The following RNF180 variants were observed in gnomAD, a reference collection of about 807,000 sequenced individuals.
RNF180 encodes ring finger protein 180.
Under a neutral mutation model 59.2 loss-of-function variants are expected in RNF180, and 38 were observed. The observed-to-expected ratio is 0.64, with a 90% CI of 0.50 to 0.84. The LOEUF (loss-of-function observed/expected upper bound fraction) is 0.84, where lower values mean the gene tolerates loss of function less well. RNF180 is among the 40% of genes least tolerant of loss of function. The probability of loss-of-function intolerance (pLI) is 0.00; values close to 1 mark genes in which losing one functional copy is unlikely to be tolerated. For missense variants in RNF180, 705 were observed against 700.9 expected, an observed-to-expected ratio of 1.01 and a Z score of -0.07; for synonymous variants, 262 against 240.3, an observed-to-expected ratio of 1.09 and a Z score of -0.84.
chr5:64,165,409 G>A (rs1321842700), upstream of RNF180, among the ~76,000 whole-genome samples: 3 of 152,176 alleles, frequency 2.0e-5, no homozygotes, highest in Non-Finnish European at 2.9e-5. Context: ...GATATACGAA[G>A]GGAAAACTAA....
At chr5:64,353,832 A>C (rs1745913102) in intron 7 of RNF180, among the ~76,000 whole-genome samples, 1 of 151,812 alleles carries the variant, frequency 6.6e-6, no homozygotes, top group Admixed American at 6.6e-5. Flanking sequence ...TGAAAAATTC[A>C]CTAATACGTG....
intron 5 of RNF180, among the ~76,000 whole-genome samples, chr5:64,261,165 A>G (rs1009394990): frequency 2.0e-5 from 3 of 152,180 alleles, no homozygotes; most frequent in African/African-American, 4.8e-5. Flanking sequence ...ATCATTTGGC[A>G]TATCATATCT....
intron 5 of RNF180, among the ~76,000 whole-genome samples, chr5:64,316,154 A>T (rs1265119367): frequency 6.6e-6 from 1 of 152,202 alleles, no homozygotes; most frequent in East Asian, 1.9e-4. Context: ...TTCTGAACTT[A>T]TAGCCTCAGC....
At chr5:64,228,254 C>A (rs1471319783) in intron 5 of RNF180, among the ~76,000 whole-genome samples, 3 of 152,134 alleles carry the variant, frequency 2.0e-5, no homozygotes, top group Non-Finnish European at 4.4e-5. Context: ...GTGGCTCTTG[C>A]CTGAAATCCT....
At chr5:64,184,298 T>C (rs768125641) in intron 1 of RNF180, among the ~76,000 whole-genome samples, 1 of 152,212 alleles carries the variant, frequency 6.6e-6, no homozygotes, top group Non-Finnish European at 1.5e-5. Context: ...CGTTGTCCTG[T>C]TTTTAGTGAT....
At chr5:64,339,721 T>G (rs1745283891) in intron 7 of RNF180, among the ~76,000 whole-genome samples, 2 of 151,768 alleles carry the variant, frequency 1.3e-5, no homozygotes, top group South Asian at 4.2e-4. Flanking sequence ...CACACAAAAT[T>G]GCGAAGACAA....
chr5:64,170,092 G>A lies in RNF180; in HGVS notation c.-1+4139G>A, dbSNP rs78720991. Among the ~76,000 whole-genome samples, 489 of 152,326 alleles carry A rather than the reference G, an allele frequency of 3.2e-3. 1 individual carries two copies. Among genetic ancestry groups the A allele is most frequent in the African/African-American group, 0.012 (480 of 41,578 alleles). On this transcript the variant is annotated intron_variant, in intron 1 of 7. Transcript: ENST00000389100. The stretch of plus-strand genomic sequence containing the variant: ...TACCTGTCAAGGCATGAGGTTGCCT[G>A]TGTATAAGGTTGGCCACAGAGTTAT...
chr5:64,260,426 A>C (rs1744265494), intron 5 of RNF180, among the ~76,000 whole-genome samples: 1 of 152,200 alleles, frequency 6.6e-6, no homozygotes, highest in Non-Finnish European at 1.5e-5. Context: ...AAATTATTTC[A>C]TATTTAAGAA....
intron 5 of RNF180, among the ~76,000 whole-genome samples, chr5:64,232,039 T>G (rs1238948830): frequency 6.6e-6 from 1 of 152,238 alleles, no homozygotes; most frequent in Non-Finnish European, 1.5e-5. Flanking sequence ...CTTTGACTGC[T>G]TGATTGGCAC....
chr5:64,252,253 A>G (rs1455236449), intron 5 of RNF180, among the ~76,000 whole-genome samples: 1 of 152,194 alleles, frequency 6.6e-6, no homozygotes, highest in Non-Finnish European at 1.5e-5. Context: ...ATTTTCAACA[A>G]AGGTGCCAAG....
intron 5 of RNF180, among the ~76,000 whole-genome samples, chr5:64,318,156 C>A (rs967204702): frequency 9.9e-5 from 15 of 152,078 alleles, no homozygotes; most frequent in African/African-American, 3.6e-4. Context: ...ATATATACAA[C>A]CTGTGATAAA....
At chr5:64,316,941 A>G (rs2112496047) in intron 5 of RNF180, among the ~76,000 whole-genome samples, 1 of 152,340 alleles carries the variant, frequency 6.6e-6, no homozygotes, top group African/African-American at 2.4e-5. Context: ...CAATTCCTAC[A>G]GTAGGCCCTG....
At position 64,213,937 on chromosome 5, in the gene RNF180, A is replaced by G; in HGVS notation, c.611A>G (p.Glu204Gly). The G allele has an allele frequency of 6.2e-7, 1 of 1,614,044 alleles. No homozygotes were observed. Among genetic ancestry groups the G allele is most frequent in the Non-Finnish European group, 8.5e-7 (1 of 1,179,966 alleles). The change falls in exon 4 of 8, where the codon GAA becomes GGA. Residue 204 changes from glutamate (E) to glycine (G), a missense_variant. Glu to Gly is a moderately conservative substitution (Grantham distance 98). Transcript: ENST00000389100. ...KNEKLLSKASEPKYQLFVPQL... is the reference protein window; with the variant it reads ...KNEKLLSKASGPKYQLFVPQL... Reference sequence around the variant, plus strand: ...GAAAAACTGCTGTCCAAAGCATCAGAACCAAAATACCAGCTTTTTGTTCCC... The same window carrying G: ...GAAAAACTGCTGTCCAAAGCATCAGGACCAAAATACCAGCTTTTTGTTCCC...
intron 1 of RNF180, among the ~76,000 whole-genome samples, chr5:64,168,997 A>T (rs912137875): frequency 2.0e-5 from 3 of 152,202 alleles, no homozygotes; most frequent in Non-Finnish European, 4.4e-5. Flanking sequence ...CTGTTGGTTA[A>T]CATCAGATTA....
At position 64,357,238 on chromosome 5, in the gene RNF180, G is replaced by C. The variant is rs183986190; in HGVS notation, c.1580-12377G>C. Among the ~76,000 whole-genome samples the C allele has an allele frequency of 3.4e-3, 514 of 151,816 alleles. 2 individuals are homozygous for C. The highest frequency in any genetic ancestry group is 0.011 in the African/African-American group (466 of 41,500). ...AAAGATGAAATTTAAAATCTATTTT[G>C]CATTAACTTTTTAAGTATATTAACA... On this transcript the variant is annotated intron_variant, in intron 7 of 7. Coordinates refer to ENST00000389100, the MANE Select transcript of RNF180 (RefSeq NM_001113561.2).
chr5:64,196,309 CT>C (rs1416729895), intron 1 of RNF180, among the ~76,000 whole-genome samples: 1 of 151,976 alleles, frequency 6.6e-6, no homozygotes, highest in African/African-American at 2.4e-5. Context: ...TATGTTCTCC[CT>C]GATTTTAATG....
intron 5 of RNF180, among the ~76,000 whole-genome samples, chr5:64,252,438 CT>C (rs1335228796): frequency 6.6e-6 from 1 of 152,104 alleles, no homozygotes; most frequent in Non-Finnish European, 1.5e-5. Context: ...GTAAAGTGTT[CT>C]CACCACAAAA....
intron 5 of RNF180, among the ~76,000 whole-genome samples, chr5:64,229,053 G>A (rs916527492): frequency 4.0e-5 from 6 of 151,128 alleles, no homozygotes; most frequent in African/African-American, 9.7e-5. Context: ...CCCCAAGTAG[G>A]TGCAACTACA....
At chr5:64,365,057 TC>T (rs964726610) in intron 7 of RNF180, among the ~76,000 whole-genome samples, 35 of 151,762 alleles carry the variant, frequency 2.3e-4, no homozygotes, top group African/African-American at 6.5e-4. Flanking sequence ...TGTGTCTGTC[TC>T]CTTCAGTTCA....
Sources: allele counts gnomAD v4.1 joint callset (sites outside exome capture counted in the v4.1 genomes callset), GRCh38; gene constraint gnomAD v4.1.1; transcripts MANE v1.5; gene names NCBI Gene and HGNC (gene_info 2026-07-23, HGNC 2026-07-21).